SRCAP: variants seen among roughly 807,000 people sequenced by gnomAD.
SRCAP encodes Snf2 related CREBBP activator protein.
Under a neutral mutation model 263.1 loss-of-function variants are expected in SRCAP, and 46 were observed. The ratio of observed to expected loss-of-function variants is 0.17; its 90% CI spans 0.14 to 0.22. The LOEUF is 0.22. Ranked by LOEUF, SRCAP falls within the 10% of genes least tolerant of loss-of-function variation. SRCAP has a pLI of 1.00. For missense variants in SRCAP, 3,695 were observed against 4,181.9 expected, an observed-to-expected ratio of 0.88 and a Z score of 3.21; for synonymous variants, 1,813 against 1,662.1, an observed-to-expected ratio of 1.09 and a Z score of -2.21.
In SRCAP at chr16:30,720,666, C is replaced by G. The variant is rs774406278; in HGVS notation, c.2988-47C>G. 4.6e-6 allele frequency: 7 copies of G among 1,525,348 alleles called. No individual in the cohort carries two copies. The Admixed American group carries it at 1.5e-4, about 32-fold the overall frequency. 94.5% of individuals were successfully genotyped at this position (1,525,348 alleles called of 1,614,324 possible). On this transcript the variant is annotated intron_variant, in intron 19 of 33. Coordinates refer to ENST00000262518, the MANE Select transcript of SRCAP (RefSeq NM_006662.3). ...CTTCTTTTCTTTGATATTGCTACCC[C>G]TTATTCTCCTTCTGTCCCTACCCAC...
chr16:30,724,882 G>T lies in SRCAP; in HGVS notation c.5458G>T (p.Ala1820Ser), dbSNP rs760110647. The stretch of plus-strand genomic sequence containing the variant: ...CTCCACACAGTCCCCAGCTTCCCAG[G>T]CATCTTCCCTTGTGGTTTCGGCATC... ...PASTQSPASQ[A>S]SSLVVSASGA... The change falls in exon 25 of 34, where the codon GCA (alanine) becomes TCA (serine). Residue 1820 changes from alanine to serine, a missense_variant. This residue lies in a region of SRCAP where 1,347 missense variants were observed against 1,304.4 expected (regional missense o/e 1.03). Coordinates refer to ENST00000262518, the MANE Select transcript of SRCAP (RefSeq NM_006662.3). 1 of 1,614,184 alleles carries T rather than the reference G, an allele frequency of 6.2e-7. No homozygotes were observed. The highest frequency in any genetic ancestry group is 8.5e-7 in the Non-Finnish European group (1 of 1,180,040).
In SRCAP at chr16:30,722,746, A is replaced by G; in HGVS notation, c.3890A>G (p.Gln1297Arg). Reference protein sequence around the residue: ...TGLSLPLAANQVPPTMVNNTG... With the variant: ...TGLSLPLAANRVPPTMVNNTG... The stretch of plus-strand genomic sequence containing the variant: ...CTCAGCCTTCCGCTTGCTGCTAACC[A>G]GGGTGAGGCTCCTGGCCTTCCTACT... The change falls in exon 23 of 34, where the codon CAG (glutamine) becomes CGG (arginine). Residue 1297 changes from glutamine to arginine, a missense_variant and splice_region_variant. Transcript: ENST00000262518. 1 of 1,607,850 alleles carries G rather than the reference A, an allele frequency of 6.2e-7. No individual in the cohort carries two copies. Among genetic ancestry groups the G allele is most frequent in the Non-Finnish European group, 8.5e-7 (1 of 1,175,668 alleles).
At chr16:30,725,322 C>A (rs1000161666) in intron 25 of SRCAP, 14 of 720,450 alleles carry the variant, frequency 1.9e-5, no homozygotes, top group Non-Finnish European at 2.7e-5. Flanking sequence ...CGCCCGGCCT[C>A]TTTTCCCGTT....
In SRCAP at chr16:30,733,791, A is replaced by G; in HGVS notation, c.6487A>G (p.Ile2163Val). 6.2e-7 allele frequency: 1 copy of G among 1,613,048 alleles called. No individual in the cohort carries two copies. The highest frequency in any genetic ancestry group is 8.5e-7 in the Non-Finnish European group (1 of 1,179,206). Residue 2163 changes from isoleucine (I) to valine (V), a missense_variant, in exon 29 of 34, where the codon ATA becomes GTA. Ile to Val is a conservative substitution (Grantham distance 29). This residue lies in a region of SRCAP where 138 missense variants were observed against 254.9 expected (regional missense o/e 0.54). Coordinates refer to ENST00000262518, the MANE Select transcript of SRCAP (RefSeq NM_006662.3). The surrounding 1 kb of genome is among the most constrained non-coding windows in gnomAD (Gnocchi z 5.3). The part of the protein sequence containing the change: ...HRIGQTRDVH[I>V]YRLISERTVE... ...AATTGGCCAGACCCGGGATGTCCAC[A>G]TATATAGGTATTGCCTAGTCTTCCC...
At chr16:30,716,686 C>A (rs549003580) in intron 18 of SRCAP, among the ~76,000 whole-genome samples, 13 of 152,080 alleles carry the variant, frequency 8.5e-5, no homozygotes, top group Admixed American at 1.3e-4. Flanking sequence ...AGGATGTAAC[C>A]CCATCGTAAA....
intron 25 of SRCAP, chr16:30,725,319 C>CACATCATCACTTTGATTATAG: frequency 1.4e-6 from 1 of 735,582 alleles, no homozygotes; most frequent in Non-Finnish European, 2.0e-6. Flanking sequence ...CCACGCCCGG[C>CACATCATCACTTTGATTATAG]CTCTTTTCCC....
rs2053009740 is a variant in SRCAP at position 30,721,356 on chromosome 16, CCTG to C, written c.3429_3431del (p.Ala1144del). On this transcript the variant is annotated inframe_deletion, in exon 21 of 34. Transcript: ENST00000262518. ...AGTGCCACCAGGCTACACCTTCCCT[CCTG>C]CTGCTGCCACCACCACTTCTACCAC... The C allele has an allele frequency of 1.2e-6, 2 of 1,614,156 alleles. No individual in the cohort carries two copies. The highest frequency in any genetic ancestry group is 1.7e-6 in the Non-Finnish European group (2 of 1,180,042).
At chr16:30,710,389 C>T in intron 8 of SRCAP, 1 of 621,794 alleles carries the variant, frequency 1.6e-6, no homozygotes, top group Non-Finnish European at 2.9e-6. Context: ...AGTACTTCCT[C>T]TGACCGTTAC....
Position 30,722,710 on chromosome 16 carries a change from C to T in SRCAP, c.3854C>T (p.Ala1285Val). The T allele has an allele frequency of 6.2e-7, 1 of 1,613,698 alleles. No individual in the cohort carries two copies. The highest frequency in any genetic ancestry group is 8.5e-7 in the Non-Finnish European group (1 of 1,179,836). ...TCTTCGACCCCCAGCACCACCCCTG[C>T]CCCTACTGGCCTCAGCCTTCCGCTT... is the stretch of plus-strand genomic sequence containing the variant. ...LPSSTPSTTPAPTGLSLPLAA... is the reference protein window; with the variant it reads ...LPSSTPSTTPVPTGLSLPLAA... The change falls in exon 23 of 34, where the codon GCC (alanine) becomes GTC (valine). Residue 1285 changes from alanine (A) to valine (V), a missense_variant. Around this residue, in one of 12 missense-constraint regions of SRCAP, gnomAD observed 1,347 missense variants for 1,304.4 expected, o/e 1.03. Transcript: ENST00000262518.
chr16:30,717,756 G>A (rs895160819), intron 18 of SRCAP, among the ~76,000 whole-genome samples: 1 of 151,228 alleles, frequency 6.6e-6, no homozygotes, highest in African/African-American at 2.4e-5. Flanking sequence ...ATACAGGCAC[G>A]CACCACCACA....
chr16:30,733,160 A>T lies in SRCAP; in HGVS notation c.6128-120A>T. ...CGTAGTTAAACATTTTTGATCTGCT[A>T]GGCTAATTGAAACTTTGGCTTAAAG... On this transcript the variant is annotated intron_variant, in intron 27 of 33. Transcript: ENST00000262518. The surrounding 1 kb of genome is among the most constrained non-coding windows in gnomAD (Gnocchi z 5.3). 1 of 1,158,382 alleles carries T rather than the reference A, an allele frequency of 8.6e-7. No homozygotes were observed. The allele number at this position is 1,158,382 out of a possible 1,614,324, so 71.8% of individuals were successfully genotyped here. A position where few individuals can be genotyped will look rare whatever the true frequency, so the allele number is the denominator to read the frequency against.
chr16:30,711,154 A>G, intron 10 of SRCAP, 66 bp downstream of exon 10: 1 of 1,305,880 alleles, frequency 7.7e-7, no homozygotes. Flanking sequence ...ACCAAGGATA[A>G]AGAGATGAAT....
rs2151298125 is a variant in SRCAP, at chr16:30,733,056, G to C, written c.6128-224G>C. 6.6e-6 allele frequency among the ~76,000 whole-genome samples: 1 copy of C among 152,230 alleles called. No homozygotes were observed. Among genetic ancestry groups the C allele is most frequent in the Non-Finnish European group, 1.5e-5 (1 of 68,014 alleles). On this transcript the variant is annotated intron_variant, in intron 27 of 33. Coordinates refer to ENST00000262518, the MANE Select transcript of SRCAP (RefSeq NM_006662.3). The surrounding 1 kb of genome is among the most constrained non-coding windows in gnomAD (Gnocchi z 5.3). ...TCATCATGTTGGCCAGGCTGGTCTT[G>C]AACTCCCGACTTAAAGTGATCCACC...
intron 18 of SRCAP, among the ~76,000 whole-genome samples, chr16:30,719,777 G>A (rs149304964): frequency 6.6e-6 from 1 of 152,142 alleles, no homozygotes; most frequent in East Asian, 1.9e-4. Flanking sequence ...GCCTCCCAGA[G>A]AGCTGGGATT....
At position 30,728,664 on chromosome 16, in the gene SRCAP, A is replaced by C. The variant is rs1293054654; in HGVS notation, c.5659-302A>C. ...TAAACTTGTTGGAATTGTAGATCTTAATTTTGAATATTCAGTCATTCTGCT... is the reference window on the plus strand; with the variant it reads ...TAAACTTGTTGGAATTGTAGATCTTCATTTTGAATATTCAGTCATTCTGCT... On this transcript the variant is annotated intron_variant, in intron 25 of 33. Transcript: ENST00000262518. Among the ~76,000 whole-genome samples the C allele has an allele frequency of 2.0e-5, 3 of 152,258 alleles. No individual in the cohort carries two copies. The East Asian group carries it at 5.8e-4, about 29-fold the overall frequency.
chr16:30,703,635 G>T (rs531208312), intron 3 of SRCAP, among the ~76,000 whole-genome samples: 1 of 151,700 alleles, frequency 6.6e-6, no homozygotes, highest in African/African-American at 2.4e-5. Flanking sequence ...GGTGGCTCAC[G>T]CCTGTAATCC....
Position 30,734,449 on chromosome 16 carries a change from A to G in SRCAP, c.6610-47A>G, listed in dbSNP as rs113536311. On this transcript the variant is annotated intron_variant, in intron 30 of 33. Transcript: ENST00000262518. ...ATCAGCCTTACAGCTTAGACCTAAG[A>G]CTAGCATTCTGTTGACTCTGACACT... The G allele has an allele frequency of 1.1e-3, 1,838 of 1,611,598 alleles. 2 individuals are homozygous for G. Among genetic ancestry groups the G allele is most frequent in the Non-Finnish European group, 1.2e-3 (1,456 of 1,178,812 alleles).
At position 30,734,429 on chromosome 16, in the gene SRCAP, C is replaced by T. The variant is rs2053140143; in HGVS notation, c.6610-67C>T. The T allele has an allele frequency of 1.4e-5, 23 of 1,601,124 alleles. No homozygotes were observed. In the South Asian group the frequency reaches 2.1e-4, roughly 15 times the overall value. ...CCCTGACAGTTCCAAGAACCATCAGCCTTACAGCTTAGACCTAAGACTAGC... is the reference window on the plus strand; with the variant it reads ...CCCTGACAGTTCCAAGAACCATCAGTCTTACAGCTTAGACCTAAGACTAGC... On this transcript the variant is annotated intron_variant, in intron 30 of 33. Coordinates refer to ENST00000262518, the MANE Select transcript of SRCAP (RefSeq NM_006662.3).
rs937749737 is a variant in SRCAP at position 30,704,370 on chromosome 16, C to T, written c.306+55C>T. On this transcript the variant is annotated intron_variant, in intron 4 of 33. Transcript: ENST00000262518. The stretch of plus-strand genomic sequence containing the variant: ...TTGGGAGTTATCTTCCGTAAACTCC[C>T]ACGTCCTCTTGAGTATTTTATGTTT... The T allele has an allele frequency of 2.0e-6, 3 of 1,524,252 alleles. No individual in the cohort carries two copies. In the Admixed American group the frequency reaches 6.5e-5, roughly 33 times the overall value. The allele number at this position is 1,524,252 out of a possible 1,614,324, so 94.4% of individuals were successfully genotyped here.
Sources: gnomAD v4.1 joint callset for allele counts (sites outside exome capture counted in the v4.1 genomes callset) on GRCh38, gnomAD v4.1.1 for gene constraint, gnomAD v4.1.1 regional missense constraint, Gnocchi (gnomAD v3.1) non-coding constraint, MANE v1.5 for transcripts, NCBI Gene and HGNC (gene_info 2026-07-23, HGNC 2026-07-21) for gene names.